Variants in LPCAT1 observed in about 807,000 individuals in gnomAD.
LPCAT1 encodes the protein 1-acylglycerol-3-phosphate O-acyltransferase.
Under a neutral mutation model 60.9 loss-of-function variants are expected in LPCAT1, and 23 were observed. The observed-to-expected ratio is 0.38, with a 90% CI of 0.27 to 0.53. The LOEUF is 0.53. Among genes scored for constraint, LPCAT1 ranks in the 20% least tolerant of loss-of-function variants. The pLI is 0.82. For missense variants in LPCAT1, 622 were observed against 723.6 expected, an observed-to-expected ratio of 0.86 and a Z score of 1.61; for synonymous variants, 340 against 301.1, an observed-to-expected ratio of 1.13 and a Z score of -1.34.
At position 1,523,877 on chromosome 5, in the gene LPCAT1, C is replaced by A; in HGVS notation, c.-33G>T. The A allele has an allele frequency of 9.7e-7, 1 of 1,034,318 alleles. No homozygotes were observed. The highest frequency in any genetic ancestry group is 1.7e-5 in the African/African-American group (1 of 57,850). 64.1% of individuals were successfully genotyped at this position (1,034,318 alleles called of 1,614,324 possible). On this transcript the variant is annotated 5_prime_UTR_variant, in exon 1 of 14. Transcript: ENST00000283415. This position sits in a 1 kb window ranked among gnomAD's most constrained non-coding sequence, Gnocchi z 7.1. ...CCGTCCCGCGGCGAGCGCAGCCGAG[C>A]TGCCTGGGGCGCCGAGCGGGGCCGG...
chr5:1,497,380 A>G lies in LPCAT1; in HGVS notation c.279-2466T>C, dbSNP rs569391552. Among the ~76,000 whole-genome samples, 6 of 152,290 alleles carry G rather than the reference A, an allele frequency of 3.9e-5. No homozygotes were observed. The East Asian group carries it at 5.8e-4, about 15-fold the overall frequency. ...ACGTCTAAGCGTGAGGGGCAGGCGC[A>G]GGCCCCGGCTCTGCAGGTTCCAAAT... On this transcript the variant is annotated intron_variant, in intron 2 of 13. Coordinates refer to ENST00000283415, the MANE Select transcript of LPCAT1 (RefSeq NM_024830.5).
At chr5:1,484,179 G>C (rs982323353) in intron 5 of LPCAT1, among the ~76,000 whole-genome samples, 67 of 152,244 alleles carry the variant, frequency 4.4e-4, no homozygotes, top group Non-Finnish European at 7.3e-4. Flanking sequence ...GGGCTCCCAA[G>C]GAATCAGGAG....
At position 1,474,695 on chromosome 5, in the gene LPCAT1, G is replaced by A; in HGVS notation, c.900-10C>T. The A allele has an allele frequency of 6.2e-7, 1 of 1,610,822 alleles. No homozygotes were observed. Among genetic ancestry groups the A allele is most frequent in the East Asian group, 2.2e-5 (1 of 44,792 alleles). ...GGAGACACCCAAGGCCCTACAAGGA[G>A]GGCAGCACCCCCGTCAGCCCAGCCT... On this transcript the variant is annotated splice_polypyrimidine_tract_variant and intron_variant, in intron 9 of 13. Transcript: ENST00000283415.
intron 4 of LPCAT1, among the ~76,000 whole-genome samples, chr5:1,488,719 G>A (rs747857765): frequency 1.4e-4 from 22 of 152,296 alleles, no homozygotes; most frequent in Admixed American, 7.8e-4. Context: ...CAGGGTAGTC[G>A]CGGTGCCCAC....
Position 1,462,082 on chromosome 5 carries a change from ATG to A in LPCAT1, c.*1567_*1568del, listed in dbSNP as rs1184054025. The A allele has an allele frequency of 6.6e-6, 1 of 152,488 alleles. No homozygotes were observed. Among genetic ancestry groups the A allele is most frequent in the Non-Finnish European group, 1.5e-5 (1 of 68,048 alleles). 9.4% of individuals were successfully genotyped at this position (152,488 alleles called of 1,614,324 possible). On this transcript the variant is annotated 3_prime_UTR_variant, in exon 14 of 14. Transcript: ENST00000283415. ...AAACGGAGCTGAAGGTTGTTTTTAAATGTCTGTCAGTGGAGAAACGCGTATCA... is the reference window on the plus strand; with the variant it reads ...AAACGGAGCTGAAGGTTGTTTTTAAATCTGTCAGTGGAGAAACGCGTATCA...
At position 1,483,318 on chromosome 5, in the gene LPCAT1, C is replaced by T. The variant is rs543550129; in HGVS notation, c.726+110G>A. 153 of 1,185,484 alleles carry T rather than the reference C, an allele frequency of 1.3e-4. No homozygotes were observed. The highest frequency in any genetic ancestry group is 5.7e-4 in the Middle Eastern group (3 of 5,238). The allele number at this position is 1,185,484 out of a possible 1,614,324, so 73.4% of individuals were successfully genotyped here. ...CAGCATGGCCAAGTGTGGGCTGTGG[C>T]GCAGATAAAGGGTGTGGAGAGACAG... On this transcript the variant is annotated intron_variant, in intron 6 of 13. Transcript: ENST00000283415. This position sits in a 1 kb window ranked among gnomAD's most constrained non-coding sequence, Gnocchi z 9.2.
At chr5:1,465,666 C>T (rs941336309) in intron 13 of LPCAT1, among the ~76,000 whole-genome samples, 4 of 151,686 alleles carry the variant, frequency 2.6e-5, no homozygotes, top group African/African-American at 9.7e-5. Context: ...AACACGTGCG[C>T]TTTCAAAATG....
chr5:1,523,619 C>T lies in LPCAT1; in HGVS notation c.135+91G>A. ...CAGGGCCGCGCCGCGCCCCAGGCCC[C>T]CTCCCCGGCCCCTCCTCGGCCGCGC... On this transcript the variant is annotated intron_variant, in intron 1 of 13. Transcript: ENST00000283415. This position sits in a 1 kb window ranked among gnomAD's most constrained non-coding sequence, Gnocchi z 7.1. The T allele has an allele frequency of 2.2e-6, 2 of 914,988 alleles. No homozygotes were observed. The highest frequency in any genetic ancestry group is 2.6e-6 in the Non-Finnish European group (2 of 757,740). 56.7% of individuals were successfully genotyped at this position (914,988 alleles called of 1,614,324 possible).
At chr5:1,484,055 C>T (rs1735278311) in intron 5 of LPCAT1, among the ~76,000 whole-genome samples, 1 of 152,254 alleles carries the variant, frequency 6.6e-6, no homozygotes, top group African/African-American at 2.4e-5. Context: ...CGGGGCCCCA[C>T]CCGCCGCCCT....
intron 4 of LPCAT1, 151 bp from the exon 5 acceptor site, chr5:1,488,602 A>G (rs753591938): frequency 3.4e-6 from 2 of 581,692 alleles, no homozygotes; most frequent in Non-Finnish European, 6.0e-6. Flanking sequence ...ATTAAAATGC[A>G]TTATGGAAGC....
In LPCAT1 at chr5:1,481,303, A is replaced by T. The variant is rs1171827516; in HGVS notation, c.727-327T>A. 6.6e-6 allele frequency among the ~76,000 whole-genome samples: 1 copy of T among 152,130 alleles called. No individual in the cohort carries two copies. Among genetic ancestry groups the T allele is most frequent in the Non-Finnish European group, 1.5e-5 (1 of 68,020 alleles). ...GTTCCCAGAGCCCCTAGAACCTGGGAAAAGGGTCCTCCCTCCCTCCATGCT... is the reference window on the plus strand; with the variant it reads ...GTTCCCAGAGCCCCTAGAACCTGGGTAAAGGGTCCTCCCTCCCTCCATGCT... On this transcript the variant is annotated intron_variant, in intron 6 of 13. Transcript: ENST00000283415. The surrounding 1 kb of genome is among the most constrained non-coding windows in gnomAD (Gnocchi z 7.8).
At position 1,513,194 on chromosome 5, in the gene LPCAT1, C is replaced by T. The variant is rs550080417; in HGVS notation, c.135+10516G>A. On this transcript the variant is annotated intron_variant, in intron 1 of 13. Transcript: ENST00000283415. ...CTGGCCTCCGGGTCCTGCCCACATG[C>T]TCTCCCAGACAGTCCTCATGCCTCC... 5.9e-5 allele frequency among the ~76,000 whole-genome samples: 9 copies of T among 152,314 alleles called. No homozygotes were observed. In the East Asian group the frequency reaches 1.7e-3, roughly 29 times the overall value.
Position 1,479,651 on chromosome 5 carries a change from C to G in LPCAT1, c.786G>C (p.Leu262=), listed in dbSNP as rs1457665124. The change falls in exon 8 of 14, where the codon CTG becomes CTC. Residue 262 remains leucine, a synonymous_variant. Transcript: ENST00000283415. ...TTTCCACTTGGTTGTGAAACTGACACAGCGTGAGCCACAGGATTTCCAGCC... is the reference window on the plus strand; with the variant it reads ...TTTCCACTTGGTTGTGAAACTGACAGAGCGTGAGCCACAGGATTTCCAGCC... The part of the protein sequence containing the change: ...PGALEILWLT[L]CQFHNQVEIE... 2 of 1,612,476 alleles carry G rather than the reference C, an allele frequency of 1.2e-6. No homozygotes were observed. The highest frequency in any genetic ancestry group is 2.2e-5 in the East Asian group (1 of 44,892).
At chr5:1,467,840 A>C (rs1734492232) in intron 12 of LPCAT1, among the ~76,000 whole-genome samples, 1 of 151,778 alleles carries the variant, frequency 6.6e-6, no homozygotes, top group African/African-American at 2.4e-5. Context: ...TTCTTCCCCG[A>C]GTCCTCTGCC....
chr5:1,518,215 C>A (rs1003617307), intron 1 of LPCAT1, among the ~76,000 whole-genome samples: 2 of 152,144 alleles, frequency 1.3e-5, no homozygotes, highest in African/African-American at 4.8e-5. Context: ...TGGACGCCTT[C>A]CAGAGAAAAG....
At chr5:1,494,970 G>A in intron 2 of LPCAT1, 56 bp from the exon 3 acceptor site, 14 of 1,489,498 alleles carry the variant, frequency 9.4e-6, no homozygotes, top group Non-Finnish European at 1.3e-5. Flanking sequence ...CGGAGTCTGT[G>A]TGAGGCACAG....
At position 1,523,129 on chromosome 5, in the gene LPCAT1, G is replaced by A. The variant is rs535882954; in HGVS notation, c.135+581C>T. ...GCAGGGAGACCCGTGCGCCTACAGGGGACCCTACAGGGGACCCGCACCGCC... is the reference window on the plus strand; with the variant it reads ...GCAGGGAGACCCGTGCGCCTACAGGAGACCCTACAGGGGACCCGCACCGCC... On this transcript the variant is annotated intron_variant, in intron 1 of 13. Coordinates refer to ENST00000283415, the MANE Select transcript of LPCAT1 (RefSeq NM_024830.5). This position sits in a 1 kb window ranked among gnomAD's most constrained non-coding sequence, Gnocchi z 7.1. Among the ~76,000 whole-genome samples, 2 of 151,600 alleles carry A rather than the reference G, an allele frequency of 1.3e-5. No individual in the cohort carries two copies.
At position 1,466,892 on chromosome 5, in the gene LPCAT1, T is replaced by TG. The variant is rs1734434900; in HGVS notation, c.1279-3dup. The TG allele has an allele frequency of 1.4e-5, 22 of 1,568,158 alleles. No individual in the cohort carries two copies. Among genetic ancestry groups the TG allele is most frequent in the Non-Finnish European group, 1.9e-5 (22 of 1,152,118 alleles). On this transcript the variant is annotated splice_region_variant and splice_polypyrimidine_tract_variant and intron_variant, in intron 12 of 13. Transcript: ENST00000283415. ...GCCGTCCTCTTGCGCTCCGTACATC[T>TG]GCAAGGCAAACTGGGTGTCACCTTG... is the stretch of plus-strand genomic sequence containing the variant.
At chr5:1,472,345 G>A (rs1252625862) in intron 11 of LPCAT1, among the ~76,000 whole-genome samples, 1 of 152,092 alleles carries the variant, frequency 6.6e-6, no homozygotes, top group African/African-American at 2.4e-5. Flanking sequence ...GGGGTGAGAC[G>A]CACACAGGTC....
Sources: gnomAD v4.1 joint callset for allele counts (sites outside exome capture counted in the v4.1 genomes callset) on GRCh38, gnomAD v4.1.1 for gene constraint, Gnocchi (gnomAD v3.1) non-coding constraint, MANE v1.5 for transcripts, NCBI Gene and HGNC (gene_info 2026-07-23, HGNC 2026-07-21) for gene names.